NDST3: variants seen among roughly 807,000 people sequenced by gnomAD.
NDST3 encodes the protein bifunctional heparan sulfate N-deacetylase/N-sulfotransferase 3.
NDST3 carries 58 observed loss-of-function variants against 96.1 expected under a neutral mutation model. The ratio of observed to expected loss-of-function variants is 0.60; its 90% confidence interval spans 0.49 to 0.75. The LOEUF (loss-of-function observed/expected upper bound fraction) is 0.75, where lower values mean the gene tolerates loss of function less well. Ranked by LOEUF, NDST3 falls within the 30% of genes least tolerant of loss-of-function variation. NDST3 has a pLI of 0.00. For missense variants in NDST3, 788 were observed against 1,034.2 expected (o/e 0.76, Z 3.27); for synonymous variants, 333 against 359.7 (o/e 0.93, Z 0.84).
chr4:118,199,002 A>G (rs1228551730), intron 6 of NDST3, among the ~76,000 whole-genome samples: 2 of 151,820 alleles, frequency 1.3e-5, no homozygotes, highest in African/African-American at 4.8e-5. Flanking sequence ...GACCTTTGCA[A>G]GTTGAATTAC....
Position 118,256,749 on chromosome 4 carries a change from G to A in NDST3, c.*1037G>A, listed in dbSNP as rs527632116. 4 of 152,262 alleles carry A rather than the reference G, an allele frequency of 2.6e-5. No individual in the cohort carries two copies. The highest frequency in any genetic ancestry group is 2.1e-4 in the South Asian group (1 of 4,822). The allele number at this position is 152,262 out of a possible 1,614,324, so 9.4% of individuals were successfully genotyped here. On this transcript the variant is annotated 3_prime_UTR_variant, in exon 14 of 14. Coordinates refer to ENST00000296499, the MANE Select transcript of NDST3 (RefSeq NM_004784.3). ...CAGTTTCCCTAGATGATGTGGTTAG[G>A]CTATTTACATTTAGGTTATTAAAAA...
At chr4:118,202,718 A>C (rs1348934193) in intron 6 of NDST3, among the ~76,000 whole-genome samples, 1 of 152,178 alleles carries the variant, frequency 6.6e-6, no homozygotes, top group African/African-American at 2.4e-5. Flanking sequence ...ACTATTGGCA[A>C]AGTCTTTAGG....
intron 2 of NDST3, among the ~76,000 whole-genome samples, chr4:118,057,196 A>T (rs1364050418): frequency 1.3e-5 from 2 of 152,048 alleles, no homozygotes; most frequent in African/African-American, 4.8e-5. Flanking sequence ...TTTGTCATGA[A>T]AGAGAATATA....
In NDST3 at chr4:118,086,483, C is replaced by G. The variant is rs72674145; in HGVS notation, c.982-18535C>G. Among the ~76,000 whole-genome samples, 1,397 of 152,188 alleles carry G rather than the reference C, an allele frequency of 9.2e-3. 7 individuals carry two copies. Among genetic ancestry groups the G allele is most frequent in the Non-Finnish European group, 0.016 (1,055 of 67,996 alleles). ...ACACCACCCACCCGCCCTCTGACAC[C>G]TTCTTCCTGATTGAAAGAGGCATTT... is the stretch of plus-strand genomic sequence containing the variant. On this transcript the variant is annotated intron_variant, in intron 2 of 13. Coordinates refer to ENST00000296499, the MANE Select transcript of NDST3 (RefSeq NM_004784.3).
At chr4:118,196,532 T>C (rs1431623239) in intron 6 of NDST3, among the ~76,000 whole-genome samples, 1 of 152,172 alleles carries the variant, frequency 6.6e-6, no homozygotes, top group Admixed American at 6.5e-5. Flanking sequence ...TTACTTGTTA[T>C]TGGTCTGTTC....
At chr4:118,161,070 G>C (rs1735083720) in intron 6 of NDST3, among the ~76,000 whole-genome samples, 1 of 152,194 alleles carries the variant, frequency 6.6e-6, no homozygotes. Flanking sequence ...CTTTCTGTTT[G>C]TTAGTTTTCC....
intron 1 of NDST3, among the ~76,000 whole-genome samples, chr4:118,047,256 T>G (rs562705529): frequency 6.6e-6 from 1 of 152,170 alleles, no homozygotes; most frequent in Non-Finnish European, 1.5e-5. Context: ...CAAATCCAAC[T>G]GAAGTACTCA....
intron 6 of NDST3, among the ~76,000 whole-genome samples, chr4:118,145,996 G>T (rs1282919012): frequency 6.6e-6 from 1 of 152,220 alleles, no homozygotes; most frequent in African/African-American, 2.4e-5. Context: ...TAATTAGTTA[G>T]TGATGTCTGT....
rs1180747259 is a variant in NDST3 at position 118,053,789 on chromosome 4, C to T, written c.-122C>T. ...TTCTGTGAGTCCTGATCAAGTGATACAAATGAGCTGCAATGGTGACATAAA... is the reference window on the plus strand; with the variant it reads ...TTCTGTGAGTCCTGATCAAGTGATATAAATGAGCTGCAATGGTGACATAAA... On this transcript the variant is annotated 5_prime_UTR_variant, in exon 2 of 14. Transcript: ENST00000296499. The T allele has an allele frequency of 3.1e-5, 32 of 1,044,352 alleles. No homozygotes were observed. The East Asian group carries it at 4.6e-4, about 15-fold the overall frequency. 64.7% of individuals were successfully genotyped at this position (1,044,352 alleles called of 1,614,324 possible).
chr4:118,202,816 C>G (rs933090341), intron 6 of NDST3, among the ~76,000 whole-genome samples: 4 of 152,124 alleles, frequency 2.6e-5, no homozygotes, highest in African/African-American at 9.7e-5. Flanking sequence ...CTTTCTCTTG[C>G]CTGATTGTTC....
intron 2 of NDST3, among the ~76,000 whole-genome samples, chr4:118,085,372 A>G (rs566913159): frequency 3.9e-5 from 6 of 152,326 alleles, no homozygotes; most frequent in Non-Finnish European, 8.8e-5. Flanking sequence ...GCCTGAAGAC[A>G]TTCAGAATTC....
At chr4:118,153,425 T>A (rs1734528190) in intron 6 of NDST3, among the ~76,000 whole-genome samples, 1 of 152,006 alleles carries the variant, frequency 6.6e-6, no homozygotes. Context: ...AGCAGCGGAG[T>A]GGCCAGTAGC....
At position 118,244,120 on chromosome 4, in the gene NDST3, T is replaced by C. The variant is rs573473760; in HGVS notation, c.2399+1971T>C. Among the ~76,000 whole-genome samples, 9 of 152,344 alleles carry C rather than the reference T, an allele frequency of 5.9e-5. No homozygotes were observed. In the East Asian group the frequency reaches 1.2e-3, roughly 20 times the overall value. ...ACTGTGTTTCCATTCCATTTCTTTT[T>C]ATATTTTCTTGTCAATCATCAATTG... On this transcript the variant is annotated intron_variant, in intron 12 of 13. Coordinates refer to ENST00000296499, the MANE Select transcript of NDST3 (RefSeq NM_004784.3).
Position 118,100,094 on chromosome 4 carries a change from G to A in NDST3, c.982-4924G>A, listed in dbSNP as rs540560041. Among the ~76,000 whole-genome samples, 154 of 152,156 alleles carry A rather than the reference G, an allele frequency of 1.0e-3. 1 individual carries two copies. Among genetic ancestry groups the A allele is most frequent in the Middle Eastern group, 6.8e-3 (2 of 294 alleles). On this transcript the variant is annotated intron_variant, in intron 2 of 13. Transcript: ENST00000296499. ...CTACAACATGATTTGAGGTGTGTCC[G>A]TGGGAGTGTTTCTGGAAGAGATAAG...
chr4:118,197,484 G>A lies in NDST3; in HGVS notation c.1540-27007G>A, dbSNP rs570013921. On this transcript the variant is annotated intron_variant, in intron 6 of 13. Coordinates refer to ENST00000296499, the MANE Select transcript of NDST3 (RefSeq NM_004784.3). ...AATAATATTTTCTTTATACATCTAG[G>A]TGCTCCAGCATTCAGTGCATATATA... Among the ~76,000 whole-genome samples the A allele has an allele frequency of 2.6e-4, 39 of 152,122 alleles. No homozygotes were observed. In the South Asian group the frequency reaches 7.3e-3, roughly 28 times the overall value.
At chr4:118,181,879 C>A (rs949141500) in intron 6 of NDST3, among the ~76,000 whole-genome samples, 1 of 152,010 alleles carries the variant, frequency 6.6e-6, no homozygotes, top group African/African-American at 2.4e-5. Flanking sequence ...TTAAGGGATT[C>A]AACAAATAAA....
At chr4:118,040,786 G>A (rs909683573) in intron 1 of NDST3, among the ~76,000 whole-genome samples, 19 of 150,160 alleles carry the variant, frequency 1.3e-4, no homozygotes, top group Non-Finnish European at 4.4e-5. Flanking sequence ...AGGCTCAAGC[G>A]ATCCAACCAC....
intron 12 of NDST3, among the ~76,000 whole-genome samples, chr4:118,247,619 T>G (rs1314620409): frequency 6.6e-6 from 1 of 152,128 alleles, no homozygotes; most frequent in Non-Finnish European, 1.5e-5. Context: ...AGGGATTGAC[T>G]GCAATGGGCT....
rs1726399981 is a variant in NDST3 at position 118,066,262 on chromosome 4, A to ATATTATATATATTATG, written c.981+11386_981+11387insGTATTATATATATTAT. Among the ~76,000 whole-genome samples the ATATTATATATATTATG allele has an allele frequency of 2.6e-4, 4 of 15,470 alleles. 2 individuals carry two copies. Among genetic ancestry groups the ATATTATATATATTATG allele is most frequent in the Non-Finnish European group, 5.4e-4 (2 of 3,700 alleles). The allele number at this position is 15,470 out of a possible 152,430, so 10.1% of individuals were successfully genotyped here. On this transcript the variant is annotated intron_variant, in intron 2 of 13. Transcript: ENST00000296499. ...ATATTATATATATTATATATTATAT[A>ATATTATATATATTATG]TATTATATATATTATATATTATATA...
Sources: gnomAD v4.1 joint callset for allele counts (sites outside exome capture counted in the v4.1 genomes callset) on GRCh38, gnomAD v4.1.1 for gene constraint, MANE v1.5 for transcripts, NCBI Gene and HGNC (gene_info 2026-07-23, HGNC 2026-07-21) for gene names.